PLSCR2: variants seen among roughly 807,000 people sequenced by gnomAD.
The protein encoded by PLSCR2 is phospholipid scramblase 2.
Under a neutral mutation model 25.3 loss-of-function variants are expected in PLSCR2, and 18 were observed. That is an observed-to-expected ratio of 0.71 (90% CI 0.49 to 1.06). The LOEUF is 1.06. Among genes scored for constraint, PLSCR2 ranks in the 50% least tolerant of loss-of-function variants. The pLI is 0.00. For missense variants in PLSCR2, 243 were observed against 269.5 expected (o/e 0.90, Z 0.69); for synonymous variants, 88 against 87.3 (o/e 1.01, Z -0.04).
At chr3:146,469,348 G>A (rs2042010992) in intron 1 of PLSCR2, 147 bp downstream of exon 1, 1 of 976,318 alleles carries the variant, frequency 1.0e-6, no homozygotes, top group Non-Finnish European at 1.2e-6. Flanking sequence ...CCGAGTTTCC[G>A]TTCCACTTCA....
intron 3 of PLSCR2, among the ~76,000 whole-genome samples, chr3:146,394,515 C>T (rs1171817432): frequency 6.6e-6 from 1 of 152,150 alleles, no homozygotes; most frequent in Non-Finnish European, 1.5e-5. Flanking sequence ...ATCTGCCCAC[C>T]TCGCCCTCCC....
intron 1 of PLSCR2, among the ~76,000 whole-genome samples, chr3:146,476,173 ATCCTGCACTGG>A (rs749685815): frequency 1.3e-5 from 2 of 152,062 alleles, no homozygotes; most frequent in Non-Finnish European, 2.9e-5. Flanking sequence ...CAGTGTGTGA[ATCCTGCACTGG>A]GAACCGAGGT....
intron 2 of PLSCR2, among the ~76,000 whole-genome samples, chr3:146,398,230 C>G (rs1309239176): frequency 6.6e-6 from 1 of 151,624 alleles, no homozygotes; most frequent in Non-Finnish European, 1.5e-5. Context: ...TGGATGTTGG[C>G]TATAATCTGA....
intron 2 of PLSCR2, among the ~76,000 whole-genome samples, chr3:146,427,391 A>G (rs555289020): frequency 6.6e-6 from 1 of 152,170 alleles, no homozygotes; most frequent in Non-Finnish European, 1.5e-5. Flanking sequence ...ACTTGATTTG[A>G]TCTTTCAGGA....
Position 146,469,568 on chromosome 3 carries a change from T to C in PLSCR2, c.-292-9284A>G, listed in dbSNP as rs1342548346. 7.4e-5 allele frequency: 73 copies of C among 985,282 alleles called. No individual in the cohort carries two copies. Among genetic ancestry groups the C allele is most frequent in the Non-Finnish European group, 8.8e-5 (73 of 829,908 alleles). The allele number at this position is 985,282 out of a possible 1,614,324, so 61.0% of individuals were successfully genotyped here. On this transcript the variant is annotated intron_variant, in intron 1 of 8. Transcript: ENST00000336685. ...GCGTGGCTTCCTCCCGTCTGCCCCG[T>C]GACTGCCAGGCACACCTGTTGCACA...
exon 1 of PLSCR2, chr3:146,460,321 A>G (rs1031795538): frequency 8.1e-5 from 52 of 644,216 alleles, no homozygotes; most frequent in Middle Eastern, 5.3e-4. Context: ...TACTTTTACT[A>G]TGTAAAACTC....
chr3:146,457,960 G>C, intron 3 of PLSCR2, among the ~76,000 whole-genome samples: 1 of 152,108 alleles, frequency 6.6e-6, no homozygotes, highest in Non-Finnish European at 1.5e-5. Context: ...TCAAGTCCCT[G>C]ATATAAAATG....
intron 1 of PLSCR2, chr3:146,495,809 T>A: frequency 2.0e-6 from 2 of 1,017,660 alleles, no homozygotes; most frequent in Non-Finnish European, 1.5e-6. Context: ...TAGGAACATA[T>A]GCATAAACAA....
In PLSCR2 at chr3:146,453,992, C is replaced by T. The variant is rs200904008; in HGVS notation, c.483+10G>A. The T allele has an allele frequency of 4.9e-5, 76 of 1,556,368 alleles. No homozygotes were observed. Among genetic ancestry groups the T allele is most frequent in the Middle Eastern group, 1.7e-4 (1 of 5,806 alleles). On this transcript the variant is annotated intron_variant, in intron 5 of 6. Coordinates refer to ENST00000610787, the Ensembl canonical transcript of PLSCR2. ...AAAGCAAATCCTATAAACATTATGA[C>T]ATCTCTTACCTCAAAATCAACACCC...
At chr3:146,436,024 T>C (rs1254758506) in intron 8 of PLSCR2, among the ~76,000 whole-genome samples, 1 of 152,236 alleles carries the variant, frequency 6.6e-6, no homozygotes, top group Non-Finnish European at 1.5e-5. Context: ...ATTTATTTAA[T>C]AGGGAATCCT....
chr3:146,489,140 G>T (rs1560061600), intron 1 of PLSCR2, among the ~76,000 whole-genome samples: 1 of 152,014 alleles, frequency 6.6e-6, no homozygotes, highest in African/African-American at 2.4e-5. Flanking sequence ...CACAGGGAGG[G>T]GAGCAACATA....
At chr3:146,491,301 T>C (rs922174052) in intron 1 of PLSCR2, among the ~76,000 whole-genome samples, 2 of 151,962 alleles carry the variant, frequency 1.3e-5, no homozygotes, top group South Asian at 2.1e-4. Flanking sequence ...TTTGTTTGCA[T>C]TGACTTAGAA....
intron 8 of PLSCR2, among the ~76,000 whole-genome samples, chr3:146,434,951 G>C (rs2039750853): frequency 7.7e-6 from 1 of 130,588 alleles, no homozygotes; most frequent in Admixed American, 9.4e-5. Flanking sequence ...GCCCTGGTGT[G>C]TGATGTTCCC....
chr3:146,460,992 G>A (rs1432256681), upstream of PLSCR2, among the ~76,000 whole-genome samples: 1 of 151,918 alleles, frequency 6.6e-6, no homozygotes, highest in Non-Finnish European at 1.5e-5. Context: ...CAAAACAAAA[G>A]TAAAAAAATC....
chr3:146,421,862 T>C (rs2039164708), intron 2 of PLSCR2, among the ~76,000 whole-genome samples: 1 of 152,094 alleles, frequency 6.6e-6, no homozygotes, highest in South Asian at 2.1e-4. Flanking sequence ...TATTTGTTTT[T>C]AATTTGAGAG....
rs1413819527 is a variant in PLSCR2, at chr3:146,489,491, T to C, written c.-293+6404A>G. Among the ~76,000 whole-genome samples, 3 of 152,050 alleles carry C rather than the reference T, an allele frequency of 2.0e-5. No homozygotes were observed. The East Asian group carries it at 5.8e-4, about 29-fold the overall frequency. Reference sequence around the variant, plus strand: ...TTAGAGGATAAAAATTTTAGAGAGGTCCAATCATGTTCTGTTCCCTCCAGT... The same window carrying C: ...TTAGAGGATAAAAATTTTAGAGAGGCCCAATCATGTTCTGTTCCCTCCAGT... On this transcript the variant is annotated intron_variant, in intron 1 of 8. Transcript: ENST00000336685.
intron 3 of PLSCR2, 42 bp from the exon 4 acceptor site, chr3:146,455,501 A>G: frequency 8.6e-7 from 1 of 1,169,472 alleles, no homozygotes; most frequent in South Asian, 1.2e-5. Context: ...CGTTAAAATG[A>G]TTGAACCTAT....
At chr3:146,465,210 A>G (rs2041806778), upstream of PLSCR2, among the ~76,000 whole-genome samples, 1 of 152,190 alleles carries the variant, frequency 6.6e-6, no homozygotes, top group African/African-American at 2.4e-5. Context: ...TGCTCAAGGT[A>G]CCTTATAAAA....
chr3:146,414,767 C>G lies in PLSCR2; in HGVS notation c.101-18846G>C, dbSNP rs531794589. Among the ~76,000 whole-genome samples, 3 of 152,288 alleles carry G rather than the reference C, an allele frequency of 2.0e-5. No individual in the cohort carries two copies. The East Asian group carries it at 5.8e-4, about 29-fold the overall frequency. The stretch of plus-strand genomic sequence containing the variant: ...TATCCAGAAACTTACCTGCATTCTG[C>G]TTCTATTAACAAAATTTCTGAAGAA... On this transcript the variant is annotated intron_variant and NMD_transcript_variant, in intron 2 of 3. Coordinates refer to the PLSCR2 transcript ENST00000463633.
Sources: allele counts gnomAD v4.1 joint callset (sites outside exome capture counted in the v4.1 genomes callset), GRCh38; gene constraint gnomAD v4.1.1; transcripts MANE v1.5; gene names NCBI Gene and HGNC (gene_info 2026-07-23, HGNC 2026-07-21).